Variants in AGAP3 observed in about 807,000 individuals in gnomAD.
AGAP3 encodes the protein arf-GAP with GTPase, ANK repeat and PH domain-containing protein 3.
In AGAP3, 24 loss-of-function variants were observed where a neutral mutation model predicts 96.9. The ratio of observed to expected loss-of-function variants is 0.25; its 90% confidence interval spans 0.18 to 0.35. The LOEUF is 0.35. AGAP3 is among the 10% of genes least tolerant of loss of function. The pLI, the probability that AGAP3 is intolerant of heterozygous loss-of-function variation, is 1.00. For missense variants in AGAP3, 876 were observed against 1,254.2 expected (o/e 0.70, Z 4.55); for synonymous variants, 563 against 536.1 (o/e 1.05, Z -0.69).
Position 151,139,168 on chromosome 7 carries a change from A to G in AGAP3, c.1667-811A>G, listed in dbSNP as rs1228219001. ...AGGGTGCCCCACTGTCACCCCAGCC[A>G]TGGGTGCTCTCCCAGCTGATTGGCT... On this transcript the variant is annotated intron_variant, in intron 12 of 17. Transcript: ENST00000397238. This position sits in a 1 kb window ranked among gnomAD's most constrained non-coding sequence, Gnocchi z 4.9. Among the ~76,000 whole-genome samples the G allele has an allele frequency of 6.6e-6, 1 of 152,162 alleles. No homozygotes were observed. Among genetic ancestry groups the G allele is most frequent in the East Asian group, 1.9e-4 (1 of 5,186 alleles).
At chr7:151,090,107 G>C (rs1479239975) in intron 1 of AGAP3, 4 of 152,280 alleles carry the variant, frequency 2.6e-5, no homozygotes, top group African/African-American at 9.7e-5. Flanking sequence ...AGCTAGCCAG[G>C]AGCCCCAAAG....
rs1014755977 is a variant in AGAP3 at position 151,096,806 on chromosome 7, T to C, written c.331+9734T>C. Among the ~76,000 whole-genome samples the C allele has an allele frequency of 6.9e-6, 1 of 144,798 alleles. No homozygotes were observed. Among genetic ancestry groups the C allele is most frequent in the Non-Finnish European group, 1.5e-5 (1 of 66,560 alleles). 95.0% of individuals were successfully genotyped at this position (144,798 alleles called of 152,430 possible). On this transcript the variant is annotated intron_variant, in intron 1 of 17. Transcript: ENST00000397238. The surrounding 1 kb of genome is among the most constrained non-coding windows in gnomAD (Gnocchi z 4.4). ...TTTTCTTTTCTTTAACGAGACAGAG[T>C]CTTGCTTTGTTTCCCAGGCTGGAGT...
Position 151,143,096 on chromosome 7 carries a change from A to G in AGAP3, c.2274-245A>G, listed in dbSNP as rs1800883753. Reference sequence around the variant, plus strand: ...CAGCCCCCGCATCCCCACTGTCCCCAGGGGGCCTCCCTTCAGTGTCCCTTC... The same window carrying G: ...CAGCCCCCGCATCCCCACTGTCCCCGGGGGGCCTCCCTTCAGTGTCCCTTC... On this transcript the variant is annotated intron_variant, in intron 16 of 17. Transcript: ENST00000397238. This position sits in a 1 kb window ranked among gnomAD's most constrained non-coding sequence, Gnocchi z 5.9. 6.6e-6 allele frequency among the ~76,000 whole-genome samples: 1 copy of G among 152,010 alleles called. No homozygotes were observed. Among genetic ancestry groups the G allele is most frequent in the South Asian group, 2.1e-4 (1 of 4,822 alleles).
At chr7:151,102,887 C>T (rs531462586) in intron 1 of AGAP3, among the ~76,000 whole-genome samples, 3 of 152,306 alleles carry the variant, frequency 2.0e-5, no homozygotes, top group Admixed American at 2.0e-4. Flanking sequence ...GCTGGGATTA[C>T]AGGCATGAGC....
chr7:151,141,673 C>T lies in AGAP3; in HGVS notation c.1805-225C>T, dbSNP rs1229338036. 8.7e-6 allele frequency: 5 copies of T among 577,384 alleles called. No homozygotes were observed. The highest frequency in any genetic ancestry group is 6.1e-5 in the South Asian group (3 of 48,818). 35.8% of individuals were successfully genotyped at this position (577,384 alleles called of 1,614,324 possible). A position where few individuals can be genotyped will look rare whatever the true frequency, so the allele number is the denominator to read the frequency against. ...TCCCCCATCTGTTTTCACTTAAGCTCCACAGGTGGTTAGGAATGAGAACTG... is the reference window on the plus strand; with the variant it reads ...TCCCCCATCTGTTTTCACTTAAGCTTCACAGGTGGTTAGGAATGAGAACTG... On this transcript the variant is annotated intron_variant, in intron 13 of 17. Coordinates refer to ENST00000397238, the MANE Select transcript of AGAP3 (RefSeq NM_031946.7). This position sits in a 1 kb window ranked among gnomAD's most constrained non-coding sequence, Gnocchi z 4.2.
At chr7:151,094,146 T>G (rs1798505602) in intron 1 of AGAP3, among the ~76,000 whole-genome samples, 1 of 152,172 alleles carries the variant, frequency 6.6e-6, no homozygotes. Context: ...TTGGTAGTGC[T>G]GAGGATTGAG....
intron 10 of AGAP3, among the ~76,000 whole-genome samples, chr7:151,130,608 G>T (rs550401528): frequency 6.6e-6 from 1 of 152,086 alleles, no homozygotes; most frequent in Non-Finnish European, 1.5e-5. Flanking sequence ...CCTCCATGCC[G>T]CACTTGTTGC....
At position 151,143,289 on chromosome 7, in the gene AGAP3, C is replaced by G; in HGVS notation, c.2274-52C>G. 6.4e-7 allele frequency: 1 copy of G among 1,554,834 alleles called. No homozygotes were observed. ...TCCTGCCCACCTTCCTGGCCCCACC[C>G]GTTGCTCGGTGACCTTCCTTGGCTC... On this transcript the variant is annotated intron_variant, in intron 16 of 17. Transcript: ENST00000397238. The surrounding 1 kb of genome is among the most constrained non-coding windows in gnomAD (Gnocchi z 5.9).
In AGAP3 at chr7:151,108,050, A is replaced by G. The variant is rs4725391; in HGVS notation, c.332-8743A>G. On this transcript the variant is annotated intron_variant, in intron 1 of 17. Coordinates refer to ENST00000397238, the MANE Select transcript of AGAP3 (RefSeq NM_031946.7). This position sits in a 1 kb window ranked among gnomAD's most constrained non-coding sequence, Gnocchi z 4.2. Reference sequence around the variant, plus strand: ...ATGCTGGTCGCGTTCCTCTCCAGGGAGGAGCTGCTAGAAAGCAGAGCTAAG... The same window carrying G: ...ATGCTGGTCGCGTTCCTCTCCAGGGGGGAGCTGCTAGAAAGCAGAGCTAAG... Among the ~76,000 whole-genome samples the G allele has an allele frequency of 0.086, 13,007 of 152,116 alleles. 1,443 individuals are homozygous for G. Among genetic ancestry groups the G allele is most frequent in the African/African-American group, 0.25 (10,420 of 41,514 alleles).
At chr7:151,131,790 T>A (rs1414759781) in intron 10 of AGAP3, among the ~76,000 whole-genome samples, 1 of 152,170 alleles carries the variant, frequency 6.6e-6, no homozygotes, top group African/African-American at 2.4e-5. Flanking sequence ...CTTCTTGGCA[T>A]GGGGTCAGCT....
At chr7:151,119,924 C>A in intron 7 of AGAP3, 63 bp from the exon 8 acceptor site, 1 of 1,567,256 alleles carries the variant, frequency 6.4e-7, no homozygotes, top group South Asian at 1.1e-5. Flanking sequence ...ATTCCCGGCA[C>A]CCGCCTGGTG....
chr7:151,087,612 G>A (rs1437259762), intron 1 of AGAP3, among the ~76,000 whole-genome samples: 2 of 152,302 alleles, frequency 1.3e-5, no homozygotes, highest in Admixed American at 1.3e-4. Context: ...GCTGGGCTGA[G>A]GCTCAGCGAC....
chr7:151,138,292 C>T lies in AGAP3; in HGVS notation c.1645C>T (p.Pro549Ser). The change falls in exon 12 of 18, where the codon CCC becomes TCC. Residue 549 changes from proline to serine, a missense_variant. Coordinates refer to ENST00000397238, the MANE Select transcript of AGAP3 (RefSeq NM_031946.7). ...GTGGAGTGAGGCCACCACTTCCCTG[C>T]CCCCAGGCATGCAGCACCCTGGTGA... ...DQWSEATTSL[P>S]PGMQHPASGP... 6.2e-7 allele frequency: 1 copy of T among 1,612,110 alleles called. No individual in the cohort carries two copies. Among genetic ancestry groups the T allele is most frequent in the Non-Finnish European group, 8.5e-7 (1 of 1,179,354 alleles).
chr7:151,142,479 C>T lies in AGAP3; in HGVS notation c.2118C>T (p.His706=). Residue 706 remains histidine (H), a synonymous_variant, in exon 16 of 18, where the codon CAC becomes CAT. Transcript: ENST00000397238. This position sits in a 1 kb window ranked among gnomAD's most constrained non-coding sequence, Gnocchi z 7.5. ...MCIECSGIHR[H]LGAHLSRVRS... ...TTGAGTGCTCAGGCATCCACCGACA[C>T]CTGGGGGCTCACCTGTCCCGGGTGC... The T allele has an allele frequency of 1.2e-6, 2 of 1,614,012 alleles. No homozygotes were observed. The highest frequency in any genetic ancestry group is 1.7e-6 in the Non-Finnish European group (2 of 1,180,036).
At chr7:151,117,565 G>C (rs1482772670) in intron 4 of AGAP3, 71 bp from the exon 5 acceptor site, 2 of 1,611,662 alleles carry the variant, frequency 1.2e-6, no homozygotes, top group African/African-American at 2.7e-5. Context: ...GGGTCTACTT[G>C]AGTTCACCTG....
At position 151,141,523 on chromosome 7, in the gene AGAP3, TC is replaced by T; in HGVS notation, c.1805-372del. On this transcript the variant is annotated intron_variant, in intron 13 of 17. Transcript: ENST00000397238. This position sits in a 1 kb window ranked among gnomAD's most constrained non-coding sequence, Gnocchi z 4.2. Reference sequence around the variant, plus strand: ...CCCACACCCGCCTTCCCCCACCCTCTCCCAGTGTTTGCCTCCTAGCACCCCG... The same window carrying T: ...CCCACACCCGCCTTCCCCCACCCTCTCCAGTGTTTGCCTCCTAGCACCCCG... 7.8e-6 allele frequency: 2 copies of T among 256,152 alleles called. No homozygotes were observed. Among genetic ancestry groups the T allele is most frequent in the South Asian group, 1.1e-4 (2 of 18,978 alleles). The allele number at this position is 256,152 out of a possible 1,614,324, so 15.9% of individuals were successfully genotyped here.
rs1477527325 is a variant in AGAP3, at chr7:151,119,997, G to A, written c.980G>A (p.Gly327Asp). Residue 327 changes from glycine to aspartate, a missense_variant, in exon 8 of 18, where the codon GGC becomes GAC. Gly to Asp is a moderately conservative substitution (Grantham distance 94). Coordinates refer to ENST00000397238, the MANE Select transcript of AGAP3 (RefSeq NM_031946.7). ...PAVHINQATNGGGSAFSDYSS... is the reference protein window; with the variant it reads ...PAVHINQATNDGGSAFSDYSS... The stretch of plus-strand genomic sequence containing the variant: ...CCTCTTTGTCCTTAGGCCACGAATG[G>A]CGGCGGCAGCGCCTTCAGCGACTAC... The A allele has an allele frequency of 6.2e-7, 1 of 1,612,748 alleles. No homozygotes were observed. Among genetic ancestry groups the A allele is most frequent in the Non-Finnish European group, 8.5e-7 (1 of 1,179,778 alleles).
intron 11 of AGAP3, among the ~76,000 whole-genome samples, chr7:151,137,366 G>A (rs1800639467): frequency 6.6e-6 from 1 of 152,232 alleles, no homozygotes; most frequent in Admixed American, 6.5e-5. Context: ...GACCGCCTGG[G>A]GCCATTTCTT....
At chr7:151,115,072 GC>G in intron 1 of AGAP3, 1 of 1,021,404 alleles carries the variant, frequency 9.8e-7, no homozygotes, top group Non-Finnish European at 1.2e-6. Flanking sequence ...CCTGCGCCCA[GC>G]CCCGCGTCCA....
Sources: allele counts gnomAD v4.1 joint callset (sites outside exome capture counted in the v4.1 genomes callset), GRCh38; gene constraint gnomAD v4.1.1; non-coding constraint Gnocchi (gnomAD v3.1); transcripts MANE v1.5; gene names NCBI Gene and HGNC (gene_info 2026-07-23, HGNC 2026-07-21).